The following RAPGEF2 variants were observed in gnomAD, a reference collection of about 807,000 sequenced individuals.
RAPGEF2 encodes PDZ domain containing guanine nucleotide exchange factor (GEF) 1.
A neutral mutation model predicts 186.7 loss-of-function variants in RAPGEF2; 54 were observed. The ratio of observed to expected loss-of-function variants is 0.29; its 90% CI spans 0.23 to 0.36. RAPGEF2 has a LOEUF of 0.36. Among genes scored for constraint, RAPGEF2 ranks in the 10% least tolerant of loss-of-function variants. RAPGEF2 has a pLI of 1.00. For synonymous variants in RAPGEF2, 712 were observed against 705.9 expected (o/e 1.01, Z -0.14); for missense variants, 1,532 against 2,045.0 (o/e 0.75, Z 4.84).
chr4:159,110,746 T>G (rs542106790), intron 1 of RAPGEF2, among the ~76,000 whole-genome samples: 10 of 152,338 alleles, frequency 6.6e-5, no homozygotes, highest in Admixed American at 2.6e-4. Flanking sequence ...AATTGACTTG[T>G]GACGACACAA....
chr4:159,357,903 G>A (rs1012128068), intron 29 of RAPGEF2, among the ~76,000 whole-genome samples: 13 of 151,824 alleles, frequency 8.6e-5, no homozygotes, highest in Admixed American at 6.6e-5. Flanking sequence ...TTAATATTGT[G>A]TGTATATATG....
In RAPGEF2 at chr4:159,264,611, A is replaced by G. The variant is rs78641122; in HGVS notation, c.543+20820A>G. 8.4e-3 allele frequency among the ~76,000 whole-genome samples: 1,277 copies of G among 152,262 alleles called. 10 individuals are homozygous for G. Among genetic ancestry groups the G allele is most frequent in the Non-Finnish European group, 0.014 (942 of 68,010 alleles). ...AATATAAGTAACATTAAAATTTACA[A>G]TTTTACACATTATTAAGTGTAAAAG... is the stretch of plus-strand genomic sequence containing the variant. On this transcript the variant is annotated intron_variant, in intron 7 of 29. Coordinates refer to ENST00000691494, the MANE Select transcript of RAPGEF2 (RefSeq NM_001394067.2).
At chr4:159,282,660 C>G (rs1332133146) in intron 7 of RAPGEF2, 5 of 450,990 alleles carry the variant, frequency 1.1e-5, no homozygotes, top group Admixed American at 7.2e-5. Flanking sequence ...CTATTTCTTC[C>G]TAAGGCTTGC....
intron 7 of RAPGEF2, among the ~76,000 whole-genome samples, chr4:159,276,155 C>T (rs538024058): frequency 6.6e-6 from 1 of 152,192 alleles, no homozygotes; most frequent in African/African-American, 2.4e-5. Flanking sequence ...GTCACTGGGC[C>T]TATAGTGGCT....
intron 7 of RAPGEF2, among the ~76,000 whole-genome samples, chr4:159,251,252 G>A (rs1263105121): frequency 6.6e-6 from 1 of 152,250 alleles, no homozygotes; most frequent in East Asian, 1.9e-4. Flanking sequence ...GAGCCTTCCC[G>A]ACGGGCGCCG....
chr4:159,158,954 T>G (rs1212399911), intron 1 of RAPGEF2, among the ~76,000 whole-genome samples: 1 of 152,188 alleles, frequency 6.6e-6, no homozygotes, highest in Non-Finnish European at 1.5e-5. Flanking sequence ...GGCTAGCGTT[T>G]AAGTGTTTTA....
intron 1 of RAPGEF2, among the ~76,000 whole-genome samples, chr4:159,180,367 T>C (rs889494769): frequency 6.6e-6 from 1 of 152,208 alleles, no homozygotes; most frequent in Non-Finnish European, 1.5e-5. Flanking sequence ...CAAATCCACG[T>C]TGGTCAAGTT....
intron 3 of RAPGEF2, among the ~76,000 whole-genome samples, chr4:159,196,090 C>T (rs1159644807): frequency 1.3e-5 from 2 of 151,898 alleles, no homozygotes; most frequent in Non-Finnish European, 2.9e-5. Context: ...TTGGATATTC[C>T]ACAAATTATG....
intron 3 of RAPGEF2, among the ~76,000 whole-genome samples, chr4:159,209,788 G>C (rs974942750): frequency 2.0e-5 from 3 of 152,146 alleles, no homozygotes; most frequent in Admixed American, 6.5e-5. Flanking sequence ...AGCTACTACT[G>C]TATGTGCAAA....
intron 1 of RAPGEF2, among the ~76,000 whole-genome samples, chr4:159,142,207 G>A (rs1579293186): frequency 6.6e-6 from 1 of 152,272 alleles, no homozygotes; most frequent in African/African-American, 2.4e-5. Flanking sequence ...CATTAAAAAT[G>A]TTGAAAATGT....
rs972105235 is a variant in RAPGEF2 at position 159,332,755 on chromosome 4, A to C, written c.2135+58A>C. On this transcript the variant is annotated intron_variant, in intron 17 of 29. Transcript: ENST00000691494. ...TTTATTTTGTTAAAATGATATGCAA[A>C]GATAGTGATGTAATTAATGTTTGCA... 7.0e-6 allele frequency: 11 copies of C among 1,566,420 alleles called. No homozygotes were observed. In the African/African-American group the frequency reaches 1.5e-4, roughly 21 times the overall value.
At chr4:159,219,221 AAC>A (rs1259337194) in intron 4 of RAPGEF2, among the ~76,000 whole-genome samples, 1 of 152,196 alleles carries the variant, frequency 6.6e-6, no homozygotes, top group Non-Finnish European at 1.5e-5. Context: ...ACAAAGCATT[AAC>A]CTATGAAGTA....
At position 159,196,845 on chromosome 4, in the gene RAPGEF2, A is replaced by G. The variant is rs1390959428; in HGVS notation, c.197+3589A>G. On this transcript the variant is annotated intron_variant, in intron 3 of 29. Transcript: ENST00000691494. Reference sequence around the variant, plus strand: ...TTTAACATGAACGACCAAGATGACAAAAACGCCATTTTAGATTGTATTGAG... The same window carrying G: ...TTTAACATGAACGACCAAGATGACAGAAACGCCATTTTAGATTGTATTGAG... Among the ~76,000 whole-genome samples, 4 of 152,376 alleles carry G rather than the reference A, an allele frequency of 2.6e-5. No homozygotes were observed. In the East Asian group the frequency reaches 7.7e-4, roughly 29 times the overall value.
At chr4:159,199,616 C>G (rs1244381415) in intron 3 of RAPGEF2, among the ~76,000 whole-genome samples, 1 of 152,152 alleles carries the variant, frequency 6.6e-6, no homozygotes, top group East Asian at 1.9e-4. Flanking sequence ...TGTGAAACTG[C>G]TTAGTGAATA....
chr4:159,250,283 A>G (rs1462215875), intron 7 of RAPGEF2, among the ~76,000 whole-genome samples: 1 of 152,156 alleles, frequency 6.6e-6, no homozygotes, highest in Non-Finnish European at 1.5e-5. Flanking sequence ...TTACTTATGT[A>G]ACCAAATACC....
chr4:159,252,490 T>C (rs562474777), intron 7 of RAPGEF2, among the ~76,000 whole-genome samples: 44 of 152,378 alleles, frequency 2.9e-4, no homozygotes, highest in African/African-American at 9.6e-4. Flanking sequence ...AACTGGGATG[T>C]AGAGAATACT....
intron 23 of RAPGEF2, among the ~76,000 whole-genome samples, chr4:159,344,837 G>C (rs560791734): frequency 1.3e-5 from 2 of 152,292 alleles, no homozygotes; most frequent in Non-Finnish European, 2.9e-5. Context: ...TGAGAGAACT[G>C]CCTTAAATGC....
At chr4:159,259,878 A>C (rs1323258427) in intron 7 of RAPGEF2, among the ~76,000 whole-genome samples, 2 of 152,210 alleles carry the variant, frequency 1.3e-5, no homozygotes, top group Non-Finnish European at 2.9e-5. Context: ...AATTCAGATT[A>C]TTGTTTAAAA....
At chr4:159,293,011 C>T (rs1297595840) in intron 7 of RAPGEF2, among the ~76,000 whole-genome samples, 2 of 151,986 alleles carry the variant, frequency 1.3e-5, no homozygotes, top group African/African-American at 4.8e-5. Context: ...TAGTGATATG[C>T]TAGATTTATC....
Sources: gnomAD v4.1 joint callset for allele counts (sites outside exome capture counted in the v4.1 genomes callset) on GRCh38, gnomAD v4.1.1 for gene constraint, MANE v1.5 for transcripts, NCBI Gene and HGNC (gene_info 2026-07-23, HGNC 2026-07-21) for gene names.